FRMD1: variants seen among roughly 807,000 people sequenced by gnomAD.
The protein encoded by FRMD1 is FERM domain containing 1.
In FRMD1, 51 loss-of-function variants were observed where a neutral mutation model predicts 54.9. That is an observed-to-expected ratio of 0.93 (90% confidence interval 0.74 to 1.17). FRMD1 has a LOEUF of 1.17. Among genes scored for constraint, FRMD1 ranks in the 50% most tolerant of loss-of-function variants. FRMD1 has a pLI of 0.00. For missense variants in FRMD1, 729 were observed against 743.0 expected, an observed-to-expected ratio of 0.98 and a Z score of 0.22; for synonymous variants, 324 against 306.4, an observed-to-expected ratio of 1.06 and a Z score of -0.60.
upstream of FRMD1, among the ~76,000 whole-genome samples, chr6:168,082,107 G>A (rs954905492): frequency 5.9e-5 from 9 of 152,154 alleles, no homozygotes; most frequent in South Asian, 6.2e-4. Context: ...GCTTGCACAC[G>A]TATGTTCACA....
chr6:168,085,391 T>C (rs562533453), upstream of FRMD1, among the ~76,000 whole-genome samples: 1 of 152,282 alleles, frequency 6.6e-6, no homozygotes, highest in Admixed American at 6.5e-5. Flanking sequence ...GAGGGAGACC[T>C]TGTGGCGGGG....
chr6:168,082,778 T>G (rs1400968147), upstream of FRMD1, among the ~76,000 whole-genome samples: 1 of 152,218 alleles, frequency 6.6e-6, no homozygotes, highest in African/African-American at 2.4e-5. Context: ...CTGGGATGAC[T>G]GAGGCTGGTA....
intron 4 of FRMD1, 169 bp downstream of exon 4, chr6:168,066,586 G>T (rs536022547): frequency 2.1e-6 from 3 of 1,414,258 alleles, no homozygotes; most frequent in South Asian, 3.3e-5. Flanking sequence ...CGATTAAATA[G>T]AATTCCTGTG....
At chr6:168,077,702 G>A (rs908124759) in intron 1 of FRMD1, among the ~76,000 whole-genome samples, 13 of 152,240 alleles carry the variant, frequency 8.5e-5, no homozygotes, top group Non-Finnish European at 1.3e-4. Flanking sequence ...CTATGTTCTA[G>A]CTGCATGATC....
rs375754178 is a variant in FRMD1 at position 168,079,100 on chromosome 6, C to T, written c.-6G>A. ...CCTCTCGGGGGCACCGCCATGCTGT[C>T]GTTACTCGGCCCTCCCCCGCCATGG... On this transcript the variant is annotated 5_prime_UTR_variant, in exon 1 of 11. Transcript: ENST00000283309. The T allele has an allele frequency of 1.1e-5, 17 of 1,592,186 alleles. No individual in the cohort carries two copies. Among genetic ancestry groups the T allele is most frequent in the African/African-American group, 8.0e-5 (6 of 74,624 alleles).
intron 4 of FRMD1, 157 bp downstream of exon 4, chr6:168,066,598 T>C (rs2114982262): frequency 7.0e-7 from 1 of 1,420,730 alleles, no homozygotes; most frequent in Non-Finnish European, 9.2e-7. Flanking sequence ...ATTCCTGTGT[T>C]AACCCCAAAG....
chr6:168,073,495 A>G (rs1800411913), intron 2 of FRMD1, among the ~76,000 whole-genome samples: 1 of 152,042 alleles, frequency 6.6e-6, no homozygotes, highest in South Asian at 2.1e-4. Flanking sequence ...CACACCGCCC[A>G]GGGGTCCCAC....
chr6:168,062,642 C>T, intron 7 of FRMD1: 1 of 1,547,638 alleles, frequency 6.5e-7, no homozygotes, highest in South Asian at 1.2e-5. Context: ...CCAGGCTTTC[C>T]AGGGCACGGG....
chr6:168,089,914 C>G (rs71573445), intron 1 of FRMD1, among the ~76,000 whole-genome samples: 1,525 of 152,292 alleles, frequency 0.01, 14 homozygotes, highest in Non-Finnish European at 0.014. Context: ...CCCTGTCATC[C>G]GTTTATTTAA....
At chr6:168,058,913 C>A (rs1450246029) in intron 10 of FRMD1, among the ~76,000 whole-genome samples, 6 of 152,186 alleles carry the variant, frequency 3.9e-5, no homozygotes, top group African/African-American at 1.4e-4. Context: ...CCGACTCACT[C>A]GGCCCTGAGG....
rs1361228859 is a variant in FRMD1 at position 168,059,135 on chromosome 6, C to A, written c.1396G>T (p.Ala466Ser). The A allele has an allele frequency of 1.9e-6, 3 of 1,577,732 alleles. No individual in the cohort carries two copies. The highest frequency in any genetic ancestry group is 2.7e-5 in the African/African-American group (2 of 74,626). Residue 466 changes from alanine to serine, a missense_variant, in exon 10 of 11, where the codon GCC becomes TCC. Physicochemically the swap from Ala to Ser is moderately conservative, Grantham distance 99. Transcript: ENST00000283309. The surrounding 1 kb of genome is among the most constrained non-coding windows in gnomAD (Gnocchi z 4.4). ...GGGGGGGACTCTACCTGGTGCACGG[C>A]CTCGGCGCTCTGGCCTCTGGTCCTG... ...QVRTRGQSAE[A>S]VHQIQEMTAG...
chr6:168,066,804 C>T lies in FRMD1; in HGVS notation c.412G>A (p.Val138Met), dbSNP rs376079380. Residue 138 changes from valine to methionine, a missense_variant, in exon 4 of 11, where the codon GTG becomes ATG. Coordinates refer to ENST00000283309, the MANE Select transcript of FRMD1 (RefSeq NM_024919.6). ...TAGTGCTGCACTCGGAGGAAGGCCA[C>T]GAAGGGGGCTCTGGGTTTCTCATTT... ...EGNEKPRAPF[V>M]AFLRVQHYVE... 54 of 1,613,956 alleles carry T rather than the reference C, an allele frequency of 3.3e-5. No individual in the cohort carries two copies. Among genetic ancestry groups the T allele is most frequent in the Middle Eastern group, 3.3e-4 (2 of 6,032 alleles).
At position 168,063,655 on chromosome 6, in the gene FRMD1, G is replaced by A; in HGVS notation, c.750C>T (p.Ile250=). 1 of 1,613,808 alleles carries A rather than the reference G, an allele frequency of 6.2e-7. No homozygotes were observed. Among genetic ancestry groups the A allele is most frequent in the South Asian group, 1.1e-5 (1 of 91,080 alleles). Reference sequence around the variant, plus strand: ...CGTCCTCCAGCCGGCAGGCCTCCTGGATGAAGCACAGCATGGCCTCCTTGG... The same window carrying A: ...CGTCCTCCAGCCGGCAGGCCTCCTGAATGAAGCACAGCATGGCCTCCTTGG... ...LSPKEAMLCF[I]QEACRLEDVP... The change falls in exon 6 of 11, where the codon ATC becomes ATT. Residue 250 remains isoleucine (I), a synonymous_variant. Transcript: ENST00000283309.
At chr6:168,081,471 T>A, upstream of FRMD1, 2 of 1,535,552 alleles carry the variant, frequency 1.3e-6, no homozygotes, top group Admixed American at 3.9e-5. Flanking sequence ...CGCCCAGATC[T>A]CCTCATGGCT....
rs560670190 is a variant in FRMD1 at position 168,072,222 on chromosome 6, G to A, written c.304+3023C>T. 4.6e-5 allele frequency among the ~76,000 whole-genome samples: 7 copies of A among 152,228 alleles called. 1 individual carries two copies. In the South Asian group the frequency reaches 1.2e-3, roughly 27 times the overall value. Reference sequence around the variant, plus strand: ...AGAGACGCCCTGCCCTGCACCCCCTGCTGGGAGGGGAGGTCCTTCCCCAAG... The same window carrying A: ...AGAGACGCCCTGCCCTGCACCCCCTACTGGGAGGGGAGGTCCTTCCCCAAG... On this transcript the variant is annotated intron_variant, in intron 2 of 10. Coordinates refer to ENST00000283309, the MANE Select transcript of FRMD1 (RefSeq NM_024919.6).
chr6:168,086,823 G>A lies in FRMD1; in HGVS notation c.-11-7799C>T, dbSNP rs189213407. On this transcript the variant is annotated intron_variant, in intron 1 of 12. Coordinates refer to the FRMD1 transcript ENST00000644440. ...ATGTTCCATGGAAACTGTGGGGGCC[G>A]GGGTGAAGCCCATGTGACCCCGTTC... 5.3e-5 allele frequency among the ~76,000 whole-genome samples: 8 copies of A among 152,336 alleles called. No homozygotes were observed. The East Asian group carries it at 1.4e-3, about 26-fold the overall frequency.
In FRMD1 at chr6:168,078,780, CCCCACGGCCA is replaced by C. The variant is rs1253942778; in HGVS notation, c.213+92_213+101del. The C allele has an allele frequency of 7.0e-3, 570 of 80,886 alleles. 8 individuals carry two copies. The highest frequency in any genetic ancestry group is 0.066 in the African/African-American group (461 of 6,980). The allele number at this position is 80,886 out of a possible 1,614,324, so 5.0% of individuals were successfully genotyped here. A position where few individuals can be genotyped will look rare whatever the true frequency, so the allele number is the denominator to read the frequency against. On this transcript the variant is annotated intron_variant, in intron 1 of 10. Coordinates refer to ENST00000283309, the MANE Select transcript of FRMD1 (RefSeq NM_024919.6). ...CAAGGCCATCCAGGGCCCTGCTCAC[CCCCACGGCCA>C]CCCAGGGCCCTGCTCACCCCCACGG...
chr6:168,066,311 C>A, intron 4 of FRMD1: 1 of 662,964 alleles, frequency 1.5e-6, no homozygotes, highest in Non-Finnish European at 1.9e-6. Flanking sequence ...CCAGCTTGAC[C>A]AACACAGAGA....
rs375870051 is a variant in FRMD1, at chr6:168,076,761, G to C, written c.214-1426C>G. Among the ~76,000 whole-genome samples the C allele has an allele frequency of 9.2e-5, 14 of 152,358 alleles. No homozygotes were observed. In the East Asian group the frequency reaches 1.7e-3, roughly 19 times the overall value. On this transcript the variant is annotated intron_variant, in intron 1 of 10. Transcript: ENST00000283309. ...GATTATTGTCTGCTTAACTTGGTGA[G>C]GGGCAGGCCCCACAATGACGGTAAC... is the stretch of plus-strand genomic sequence containing the variant.
Sources: allele counts gnomAD v4.1 joint callset (sites outside exome capture counted in the v4.1 genomes callset), GRCh38; gene constraint gnomAD v4.1.1; non-coding constraint Gnocchi (gnomAD v3.1); transcripts MANE v1.5; gene names NCBI Gene and HGNC (gene_info 2026-07-23, HGNC 2026-07-21).